CRK: variants seen among roughly 807,000 people sequenced by gnomAD.
The protein encoded by CRK is adapter molecule crk.
In CRK, 4 loss-of-function variants were observed where a neutral mutation model predicts 29.8. That is an observed-to-expected ratio of 0.13 (90% CI 0.07 to 0.31). The LOEUF (loss-of-function observed/expected upper bound fraction) is 0.31. CRK is among the 10% of genes least tolerant of loss of function. The pLI is 1.00. For synonymous variants in CRK, 153 were observed against 164.9 expected (o/e 0.93, Z 0.55); for missense variants, 274 against 396.5 (o/e 0.69, Z 2.62).
chr17:1,449,348 TAAG>T (rs774834924), intron 1 of CRK, among the ~76,000 whole-genome samples: 43 of 152,110 alleles, frequency 2.8e-4, no homozygotes, highest in South Asian at 4.1e-4. Context: ...CTCTCAAAGA[TAAG>T]AAGTTTTCCA....
intron 1 of CRK, among the ~76,000 whole-genome samples, chr17:1,452,698 G>A (rs1304451740): frequency 6.6e-6 from 1 of 151,876 alleles, no homozygotes; most frequent in Admixed American, 6.6e-5. Context: ...GCTGAGGCAG[G>A]AGAATTGATT....
intron 2 of CRK, among the ~76,000 whole-genome samples, chr17:1,425,909 G>T (rs939164678): frequency 1.3e-5 from 2 of 152,228 alleles, no homozygotes; most frequent in Non-Finnish European, 2.9e-5. Context: ...ATAGCAGCAG[G>T]CTTGGTGCAG....
intron 1 of CRK, among the ~76,000 whole-genome samples, chr17:1,452,467 T>C (rs927591957): frequency 3.3e-5 from 5 of 152,156 alleles, no homozygotes; most frequent in African/African-American, 1.2e-4. Context: ...GTACTTGAGA[T>C]TTGTGAGGTA....
At chr17:1,454,717 G>C (rs1403014377) in intron 1 of CRK, among the ~76,000 whole-genome samples, 1 of 152,110 alleles carries the variant, frequency 6.6e-6, no homozygotes, top group Non-Finnish European at 1.5e-5. Flanking sequence ...GCTTCGACTT[G>C]GCAACAGCGT....
rs185324877 is a variant in CRK at position 1,454,973 on chromosome 17, A to G, written c.241+904T>C. 2.6e-5 allele frequency among the ~76,000 whole-genome samples: 4 copies of G among 152,346 alleles called. No homozygotes were observed. The East Asian group carries it at 7.7e-4, about 29-fold the overall frequency. On this transcript the variant is annotated intron_variant, in intron 1 of 2. Coordinates refer to ENST00000300574, the MANE Select transcript of CRK (RefSeq NM_016823.4). Reference sequence around the variant, plus strand: ...CTGTTCCCAATATCCAGGAAGACTCAGCCCGCAGCCCCATCTTACTGAGCA... The same window carrying G: ...CTGTTCCCAATATCCAGGAAGACTCGGCCCGCAGCCCCATCTTACTGAGCA...
At chr17:1,434,580 T>C (rs374377983) in intron 2 of CRK, among the ~76,000 whole-genome samples, 1 of 151,946 alleles carries the variant, frequency 6.6e-6, no homozygotes, top group African/African-American at 2.4e-5. Flanking sequence ...GTCAGGAGTT[T>C]GAGACCAGCC....
chr17:1,443,386 T>G (rs975225918), intron 1 of CRK, among the ~76,000 whole-genome samples: 2 of 151,832 alleles, frequency 1.3e-5, no homozygotes, highest in Non-Finnish European at 2.9e-5. Flanking sequence ...ATTTTTGTAT[T>G]TTTTATTTTT....
chr17:1,455,911 C>A lies in CRK; in HGVS notation c.207G>T (p.Pro69=). The A allele has an allele frequency of 6.3e-7, 1 of 1,576,244 alleles. No individual in the cohort carries two copies. The highest frequency in any genetic ancestry group is 8.6e-7 in the Non-Finnish European group (1 of 1,163,518). The change falls in exon 1 of 3, where the codon CCG becomes CCT. Residue 69 remains proline (P), a synonymous_variant. Coordinates refer to ENST00000300574, the MANE Select transcript of CRK (RefSeq NM_016823.4). The part of the protein sequence containing the change: ...HYIINSSGPR[P]PVPPSPAQPP... ...GCTGGGCGGGCGACGGTGGCACCGG[C>A]GGGCGCGGGCCGCTGCTGTTGATGA...
At chr17:1,447,317 C>T (rs534106776) in intron 1 of CRK, among the ~76,000 whole-genome samples, 1 of 151,950 alleles carries the variant, frequency 6.6e-6, no homozygotes, top group South Asian at 2.1e-4. Flanking sequence ...TCTACATCAC[C>T]CTGTGCTGGA....
At chr17:1,455,802 G>C in intron 1 of CRK, 75 bp downstream of exon 1, 1 of 1,407,790 alleles carries the variant, frequency 7.1e-7, no homozygotes, top group Non-Finnish European at 9.2e-7. Context: ...GTCCGCTCTC[G>C]AGGACCAGCC....
chr17:1,430,785 T>C (rs1480498044), intron 2 of CRK, among the ~76,000 whole-genome samples: 1 of 150,010 alleles, frequency 6.7e-6, no homozygotes, highest in Admixed American at 6.7e-5. Context: ...ATTAACCCTA[T>C]GGCCGGGCGC....
chr17:1,452,583 T>A (rs2074026053), intron 1 of CRK, among the ~76,000 whole-genome samples: 1 of 152,052 alleles, frequency 6.6e-6, no homozygotes, highest in African/African-American at 2.4e-5. Context: ...AGTTCAGCAG[T>A]TCGAGACCAG....
At chr17:1,449,189 G>A (rs541446337) in intron 1 of CRK, among the ~76,000 whole-genome samples, 43 of 152,132 alleles carry the variant, frequency 2.8e-4, no homozygotes, top group African/African-American at 8.9e-4. Flanking sequence ...GCAACAGGTC[G>A]GATGAGCAGG....
chr17:1,431,355 G>A (rs2073843565), intron 2 of CRK, among the ~76,000 whole-genome samples: 1 of 152,146 alleles, frequency 6.6e-6, no homozygotes, highest in African/African-American at 2.4e-5. Flanking sequence ...CTCCAATTCA[G>A]AAACAAAGTC....
chr17:1,427,466 G>A (rs943582268), intron 2 of CRK, among the ~76,000 whole-genome samples: 17 of 151,124 alleles, frequency 1.1e-4, no homozygotes, highest in South Asian at 6.3e-4. Context: ...GCTGGCGGGC[G>A]CCTGTAGTCC....
chr17:1,424,845 C>G (rs1257933970), intron 2 of CRK: 1 of 151,906 alleles, frequency 6.6e-6, no homozygotes, highest in Non-Finnish European at 1.5e-5. Flanking sequence ...GTGAAACCGT[C>G]TCTACAAAAA....
At position 1,422,808 on chromosome 17, in the gene CRK, C is replaced by A. The variant is rs530466005; in HGVS notation, c.*705G>T. ...TCCAACACTGGCTTAAAGCTATGCA[C>A]TGAATAAAGTGCTCGGTACATCCTG... On this transcript the variant is annotated 3_prime_UTR_variant, in exon 3 of 3. Coordinates refer to ENST00000300574, the MANE Select transcript of CRK (RefSeq NM_016823.4). 5.0e-6 allele frequency: 2 copies of A among 397,836 alleles called. No homozygotes were observed. The highest frequency in any genetic ancestry group is 4.4e-5 in the Admixed American group (1 of 22,714). 24.6% of individuals were successfully genotyped at this position (397,836 alleles called of 1,614,324 possible).
chr17:1,421,598 A>C lies in CRK; in HGVS notation c.*1915T>G, dbSNP rs947942852. 6 of 152,194 alleles carry C rather than the reference A, an allele frequency of 3.9e-5. No homozygotes were observed. In the East Asian group the frequency reaches 1.2e-3, roughly 29 times the overall value. The allele number at this position is 152,194 out of a possible 1,614,324, so 9.4% of individuals were successfully genotyped here. A position where few individuals can be genotyped will look rare whatever the true frequency, so the allele number is the denominator to read the frequency against. ...TACATTAAATTAGCGTCAACGCGTT[A>C]GTCTGCTTGCGGCCATGTACGGAAT... On this transcript the variant is annotated 3_prime_UTR_variant, in exon 3 of 3. Transcript: ENST00000300574.
chr17:1,448,857 G>C (rs1035414045), intron 1 of CRK, among the ~76,000 whole-genome samples: 1 of 152,032 alleles, frequency 6.6e-6, no homozygotes, highest in Non-Finnish European at 1.5e-5. Flanking sequence ...GGCTGAGGCA[G>C]GAGGATCTCT....
Sources: gnomAD v4.1 joint callset for allele counts (sites outside exome capture counted in the v4.1 genomes callset) on GRCh38, gnomAD v4.1.1 for gene constraint, MANE v1.5 for transcripts, NCBI Gene and HGNC (gene_info 2026-07-23, HGNC 2026-07-21) for gene names.